Variants in DIAPH3 observed in about 807,000 individuals in gnomAD.
DIAPH3 encodes the protein protein diaphanous homolog 3.
In DIAPH3, 117 loss-of-function variants were observed where a neutral mutation model predicts 144.3. The ratio of observed to expected loss-of-function variants is 0.81; its 90% CI spans 0.70 to 0.95. DIAPH3 has a LOEUF of 0.95. Among genes scored for constraint, DIAPH3 ranks in the 40% least tolerant of loss-of-function variants. The probability of loss-of-function intolerance (pLI) is 0.00; values close to 1 mark genes in which losing one functional copy is unlikely to be tolerated. For synonymous variants in DIAPH3, 519 were observed against 488.9 expected (o/e 1.06, Z -0.81); for missense variants, 1,421 against 1,412.7 (o/e 1.01, Z -0.09).
intron 18 of DIAPH3, among the ~76,000 whole-genome samples, chr13:59,921,531 A>G (rs2047519862): frequency 6.6e-6 from 1 of 151,988 alleles, no homozygotes; most frequent in Admixed American, 6.6e-5. Flanking sequence ...ATTGAATTAT[A>G]AAACAATACA....
chr13:59,929,653 C>T (rs1166180317), intron 17 of DIAPH3, among the ~76,000 whole-genome samples: 1 of 147,702 alleles, frequency 6.8e-6, no homozygotes. Context: ...ACCTCCGCCT[C>T]CCAGGTTCAA....
chr13:60,043,444 G>A (rs1249548119), intron 4 of DIAPH3, among the ~76,000 whole-genome samples: 2 of 152,188 alleles, frequency 1.3e-5, no homozygotes, highest in Non-Finnish European at 1.5e-5. Flanking sequence ...TCTTTTGTAA[G>A]TAAGCATTAG....
intron 4 of DIAPH3, among the ~76,000 whole-genome samples, chr13:60,079,128 A>AG (rs1370422129): frequency 6.6e-6 from 1 of 152,096 alleles, no homozygotes; most frequent in African/African-American, 2.4e-5. Context: ...AAGTTAACTG[A>AG]GGGAAAAATA....
chr13:59,795,551 T>A (rs976857005), intron 25 of DIAPH3, among the ~76,000 whole-genome samples: 3 of 151,664 alleles, frequency 2.0e-5, no homozygotes, highest in African/African-American at 7.3e-5. Context: ...GCCTCCGGGT[T>A]CACACCATTC....
In DIAPH3 at chr13:59,731,772, C is replaced by T. The variant is rs1418322924; in HGVS notation, c.3319+42417G>A. On this transcript the variant is annotated intron_variant, in intron 27 of 27. Transcript: ENST00000400324. ...GAAAAAGGAAAATGGTAAGAAGAAC[C>T]AAAAAGTAAAGTTGCTTAGCTTTTC... 3.3e-5 allele frequency among the ~76,000 whole-genome samples: 5 copies of T among 152,138 alleles called. No individual in the cohort carries two copies. In the East Asian group the frequency reaches 7.7e-4, roughly 23 times the overall value.
chr13:59,879,583 T>C, intron 20 of DIAPH3, 115 bp from the exon 21 acceptor site: 3 of 1,436,200 alleles, frequency 2.1e-6, no homozygotes, highest in Non-Finnish European at 2.9e-6. Flanking sequence ...AGAAGAAATA[T>C]GTCTCCTAAA....
At chr13:59,718,121 T>C (rs1420824337) in intron 27 of DIAPH3, among the ~76,000 whole-genome samples, 1 of 149,094 alleles carries the variant, frequency 6.7e-6, no homozygotes, top group Non-Finnish European at 1.5e-5. Flanking sequence ...TTATTCCAGT[T>C]TTACAGGTGA....
chr13:59,916,143 CTGTT>C lies in DIAPH3; in HGVS notation c.2265+8_2265+11del. The C allele has an allele frequency of 1.2e-6, 2 of 1,604,844 alleles. No homozygotes were observed. The highest frequency in any genetic ancestry group is 1.7e-6 in the Non-Finnish European group (2 of 1,171,962). ...TGAAATATTGAAATTTAAGCTGTGC[CTGTT>C]TGTTTACCTGAATCATAGACTCTGC... On this transcript the variant is annotated splice_region_variant and intron_variant, in intron 19 of 27. Transcript: ENST00000400324.
chr13:59,841,776 T>C (rs2042360689), intron 22 of DIAPH3, among the ~76,000 whole-genome samples: 1 of 152,194 alleles, frequency 6.6e-6, no homozygotes, highest in South Asian at 2.1e-4. Flanking sequence ...GGTAAGTGTT[T>C]ATGTATGTCA....
chr13:60,067,277 C>A (rs991763166), intron 4 of DIAPH3, among the ~76,000 whole-genome samples: 64 of 151,394 alleles, frequency 4.2e-4, no homozygotes, highest in African/African-American at 1.5e-3. Flanking sequence ...AGTGTGAGAC[C>A]CTATATCAAA....
chr13:59,765,845 G>T (rs1205615735), intron 27 of DIAPH3, among the ~76,000 whole-genome samples: 1 of 152,012 alleles, frequency 6.6e-6, no homozygotes, highest in African/African-American at 2.4e-5. Flanking sequence ...TAAATCCAAT[G>T]GTATCTTATA....
At chr13:59,897,888 T>C (rs2046210533) in intron 20 of DIAPH3, among the ~76,000 whole-genome samples, 1 of 151,276 alleles carries the variant, frequency 6.6e-6, no homozygotes, top group Non-Finnish European at 1.5e-5. Flanking sequence ...TTCCAGCACT[T>C]TGGGAAACCG....
intron 24 of DIAPH3, among the ~76,000 whole-genome samples, chr13:59,823,895 G>A (rs2041220981): frequency 6.6e-6 from 1 of 152,264 alleles, no homozygotes; most frequent in Middle Eastern, 3.4e-3. Flanking sequence ...TTTAGTCGGA[G>A]AATTCAGTAG....
At chr13:59,984,498 C>T (rs2051255924) in intron 12 of DIAPH3, among the ~76,000 whole-genome samples, 1 of 151,656 alleles carries the variant, frequency 6.6e-6, no homozygotes, top group Admixed American at 6.6e-5. Context: ...ACAGTTAAGT[C>T]TAGTCCATCT....
At chr13:60,114,785 T>G (rs773985717) in intron 2 of DIAPH3, among the ~76,000 whole-genome samples, 3 of 151,826 alleles carry the variant, frequency 2.0e-5, no homozygotes, top group Non-Finnish European at 4.4e-5. Context: ...ATACATTATA[T>G]ACACGAGAAA....
chr13:59,675,484 A>T (rs1334158378), intron 27 of DIAPH3, among the ~76,000 whole-genome samples: 2 of 150,704 alleles, frequency 1.3e-5, no homozygotes, highest in Non-Finnish European at 2.9e-5. Context: ...TCCCGGGTTC[A>T]TGCCATTCTC....
intron 1 of DIAPH3, among the ~76,000 whole-genome samples, chr13:60,151,782 G>A (rs1199921798): frequency 1.3e-5 from 2 of 152,148 alleles, no homozygotes; most frequent in Non-Finnish European, 2.9e-5. Context: ...ACTGAGTGGA[G>A]TTAGAACATG....
chr13:59,812,811 C>T (rs1345979882), intron 24 of DIAPH3, among the ~76,000 whole-genome samples: 2 of 152,090 alleles, frequency 1.3e-5, no homozygotes, highest in South Asian at 2.1e-4. Flanking sequence ...TTCTTTTAAG[C>T]GTTCTGGAAA....
At chr13:59,987,475 T>TAAAAAA (rs201333360) in intron 12 of DIAPH3, among the ~76,000 whole-genome samples, 1 of 70,166 alleles carries the variant, frequency 1.4e-5, no homozygotes, top group Non-Finnish European at 3.1e-5. Context: ...TAAAGTATAA[T>TAAAAAA]AAAAAAAAAA....
Sources: gnomAD v4.1 joint callset for allele counts (sites outside exome capture counted in the v4.1 genomes callset) on GRCh38, gnomAD v4.1.1 for gene constraint, MANE v1.5 for transcripts, NCBI Gene and HGNC (gene_info 2026-07-23, HGNC 2026-07-21) for gene names.